CTNND2: variants seen among roughly 807,000 people sequenced by gnomAD.
CTNND2 encodes the protein catenin delta-2.
Under a neutral mutation model 144.4 loss-of-function variants are expected in CTNND2, and 22 were observed. The ratio of observed to expected loss-of-function variants is 0.15; its 90% confidence interval spans 0.11 to 0.22. CTNND2 has a LOEUF of 0.22. Among genes scored for constraint, CTNND2 ranks in the 10% least tolerant of loss-of-function variants. The pLI is 1.00. For synonymous variants in CTNND2, 751 were observed against 695.6 expected (o/e 1.08, Z -1.25); for missense variants, 1,353 against 1,618.8 (o/e 0.84, Z 2.82).
At position 11,506,092 on chromosome 5, in the gene CTNND2, G is replaced by A. The variant is rs534723475; in HGVS notation, c.287+58852C>T. ...CGGGACACTGCACTTGGCCACTGAC[G>A]GAGGCTCAGGAAAGGTTTGTAGGAT... is the stretch of plus-strand genomic sequence containing the variant. On this transcript the variant is annotated intron_variant, in intron 3 of 21. Transcript: ENST00000304623. Among the ~76,000 whole-genome samples, 42 of 152,208 alleles carry A rather than the reference G, an allele frequency of 2.8e-4. No individual in the cohort carries two copies. In the South Asian group the frequency reaches 3.5e-3, roughly 13 times the overall value.
At chr5:11,431,370 G>C (rs537785042) in intron 3 of CTNND2, among the ~76,000 whole-genome samples, 1 of 152,178 alleles carries the variant, frequency 6.6e-6, no homozygotes, top group South Asian at 2.1e-4. Flanking sequence ...AGTTAGCCAC[G>C]TATCCTTGCC....
At chr5:11,733,892 G>T (rs1035969024) in intron 1 of CTNND2, among the ~76,000 whole-genome samples, 1 of 152,168 alleles carries the variant, frequency 6.6e-6, no homozygotes, top group African/African-American at 2.4e-5. Context: ...TCTGAATGTT[G>T]ATGTCTCCCA....
chr5:11,363,448 T>C (rs1031671004), intron 8 of CTNND2, among the ~76,000 whole-genome samples: 3 of 152,268 alleles, frequency 2.0e-5, no homozygotes, highest in Non-Finnish European at 2.9e-5. Context: ...CTTAAAAACA[T>C]GCAAACATTA....
intron 2 of CTNND2, among the ~76,000 whole-genome samples, chr5:11,634,261 G>A (rs1003397030): frequency 2.6e-5 from 4 of 152,132 alleles, no homozygotes; most frequent in African/African-American, 4.8e-5. Flanking sequence ...CAGGGAACCT[G>A]AGCAAGACCA....
At chr5:11,857,243 G>GT (rs1795293500) in intron 1 of CTNND2, among the ~76,000 whole-genome samples, 1 of 152,166 alleles carries the variant, frequency 6.6e-6, no homozygotes, top group African/African-American at 2.4e-5. Context: ...AGCAAACGTT[G>GT]GAAAAGAGTC....
intron 1 of CTNND2, among the ~76,000 whole-genome samples, chr5:11,753,673 A>C (rs764835646): frequency 2.6e-5 from 4 of 151,874 alleles, no homozygotes; most frequent in Non-Finnish European, 4.4e-5. Context: ...TATCAGGATG[A>C]TGCTGTCCTC....
At chr5:11,644,582 G>A (rs1351643865) in intron 2 of CTNND2, among the ~76,000 whole-genome samples, 1 of 151,466 alleles carries the variant, frequency 6.6e-6, no homozygotes, top group Non-Finnish European at 1.5e-5. Context: ...GCTGAGGCAG[G>A]AGAATGGTGT....
chr5:11,716,423 T>G (rs1048817295), intron 2 of CTNND2, among the ~76,000 whole-genome samples: 1 of 152,214 alleles, frequency 6.6e-6, no homozygotes, highest in Non-Finnish European at 1.5e-5. Context: ...AGCATTACCA[T>G]GAATAAGAGA....
At chr5:11,170,694 T>G (rs1729611714) in intron 11 of CTNND2, among the ~76,000 whole-genome samples, 1 of 152,212 alleles carries the variant, frequency 6.6e-6, no homozygotes, top group South Asian at 2.1e-4. Flanking sequence ...TTCACCACAC[T>G]AATTTCATGA....
chr5:11,296,838 T>TG (rs1024150547), intron 9 of CTNND2, among the ~76,000 whole-genome samples: 2 of 151,528 alleles, frequency 1.3e-5, no homozygotes, highest in Non-Finnish European at 2.9e-5. Context: ...TGTTGTGGCA[T>TG]GGGGGGAGTG....
At chr5:11,537,090 C>T (rs1354416031) in intron 3 of CTNND2, among the ~76,000 whole-genome samples, 1 of 151,780 alleles carries the variant, frequency 6.6e-6, no homozygotes, top group Non-Finnish European at 1.5e-5. Context: ...CTAGTAACCC[C>T]TCCAATCATT....
intron 1 of CTNND2, among the ~76,000 whole-genome samples, chr5:11,784,255 G>C (rs998171347): frequency 6.6e-6 from 1 of 152,058 alleles, no homozygotes; most frequent in Admixed American, 6.5e-5. Flanking sequence ...ATGGACAATG[G>C]GAAAATATAA....
At chr5:11,338,848 C>A (rs1580950954) in intron 9 of CTNND2, among the ~76,000 whole-genome samples, 1 of 152,104 alleles carries the variant, frequency 6.6e-6, no homozygotes, top group East Asian at 1.9e-4. Context: ...ACAAAAAGGT[C>A]TTTTTGCCTT....
intron 13 of CTNND2, among the ~76,000 whole-genome samples, chr5:11,111,420 G>T (rs61754595): frequency 0.011 from 1,744 of 152,216 alleles, 39 homozygotes; most frequent in African/African-American, 0.04. Flanking sequence ...GGGTAATGAG[G>T]AATCAAAGAC....
Position 10,973,887 on chromosome 5 carries a change from T to C in CTNND2, c.3418-174A>G, listed in dbSNP as rs138435545. On this transcript the variant is annotated intron_variant, in intron 21 of 21. Coordinates refer to ENST00000304623, the MANE Select transcript of CTNND2 (RefSeq NM_001332.4). This position sits in a 1 kb window ranked among gnomAD's most constrained non-coding sequence, Gnocchi z 5.6. Reference sequence around the variant, plus strand: ...TGTCATTGGCTTTCCTTTTGAAAATTGGATCCTAGGTCCACGTGCTATCAT... The same window carrying C: ...TGTCATTGGCTTTCCTTTTGAAAATCGGATCCTAGGTCCACGTGCTATCAT... Among the ~76,000 whole-genome samples the C allele has an allele frequency of 1.3e-5, 2 of 152,232 alleles. No homozygotes were observed. Among genetic ancestry groups the C allele is most frequent in the African/African-American group, 4.8e-5 (2 of 41,446 alleles).
At chr5:11,602,573 C>T (rs1477160611) in intron 2 of CTNND2, among the ~76,000 whole-genome samples, 1 of 151,108 alleles carries the variant, frequency 6.6e-6, no homozygotes, top group Non-Finnish European at 1.5e-5. Flanking sequence ...ATGGAATAAC[C>T]TTACAATATT....
intron 3 of CTNND2, among the ~76,000 whole-genome samples, chr5:11,471,143 A>C (rs1767193292): frequency 6.6e-6 from 1 of 150,904 alleles, no homozygotes; most frequent in Admixed American, 6.6e-5. Flanking sequence ...ATGCCCAGCT[A>C]ATTTTTTGTA....
At chr5:11,862,407 T>C (rs936470310) in intron 1 of CTNND2, among the ~76,000 whole-genome samples, 3 of 152,216 alleles carry the variant, frequency 2.0e-5, no homozygotes, top group Non-Finnish European at 4.4e-5. Context: ...TGTTCAAGTA[T>C]GCACTAACAA....
rs35908890 is a variant in CTNND2, at chr5:10,972,419, A to C, written c.*1034T>G. 5,251 of 152,316 alleles carry C rather than the reference A, an allele frequency of 0.034. 132 individuals carry two copies. Among genetic ancestry groups the C allele is most frequent in the African/African-American group, 0.066 (2,742 of 41,546 alleles). 9.4% of individuals were successfully genotyped at this position (152,316 alleles called of 1,614,324 possible). On this transcript the variant is annotated 3_prime_UTR_variant, in exon 22 of 22. Coordinates refer to ENST00000304623, the MANE Select transcript of CTNND2 (RefSeq NM_001332.4). Reference sequence around the variant, plus strand: ...TGTCAAAATAAAATCTCACACAGGTAATTTTTCTAGTACGTGGACATACAT... The same window carrying C: ...TGTCAAAATAAAATCTCACACAGGTCATTTTTCTAGTACGTGGACATACAT...
Sources: gnomAD v4.1 joint callset for allele counts (sites outside exome capture counted in the v4.1 genomes callset) on GRCh38, gnomAD v4.1.1 for gene constraint, Gnocchi (gnomAD v3.1) non-coding constraint, MANE v1.5 for transcripts, NCBI Gene and HGNC (gene_info 2026-07-23, HGNC 2026-07-21) for gene names.